The following XKR4 variants were observed in gnomAD, a reference collection of about 807,000 sequenced individuals.
The protein encoded by XKR4 is XK related 4.
A neutral mutation model predicts 53.9 loss-of-function variants in XKR4; 12 were observed. That is an observed-to-expected ratio of 0.22 (90% CI 0.14 to 0.36). XKR4 has a LOEUF of 0.36. Among genes scored for constraint, XKR4 ranks in the 10% least tolerant of loss-of-function variants. XKR4 has a pLI of 1.00. For synonymous variants in XKR4, 354 were observed against 362.4 expected, an observed-to-expected ratio of 0.98 and a Z score of 0.26; for missense variants, 799 against 859.5, an observed-to-expected ratio of 0.93 and a Z score of 0.88.
chr8:55,354,781 T>A (rs184568246), intron 1 of XKR4, among the ~76,000 whole-genome samples: 1 of 149,654 alleles, frequency 6.7e-6, no homozygotes, highest in Non-Finnish European at 1.5e-5. Flanking sequence ...TGAAAGAAAA[T>A]TTTAAAATTG....
intron 1 of XKR4, among the ~76,000 whole-genome samples, chr8:55,182,451 T>A (rs180977497): frequency 6.6e-6 from 1 of 152,294 alleles, no homozygotes; most frequent in Non-Finnish European, 1.5e-5. Flanking sequence ...TTAGATTTAG[T>A]CTATAATCTT....
At chr8:55,193,190 T>A (rs189085143) in intron 1 of XKR4, among the ~76,000 whole-genome samples, 1 of 152,314 alleles carries the variant, frequency 6.6e-6, no homozygotes, top group Admixed American at 6.5e-5. Context: ...CTGAGAAGAA[T>A]GATTTGCTTT....
intron 1 of XKR4, among the ~76,000 whole-genome samples, chr8:55,113,864 T>C (rs1816269291): frequency 6.6e-6 from 1 of 152,194 alleles, no homozygotes; most frequent in Non-Finnish European, 1.5e-5. Context: ...CTTAGGATAA[T>C]GACCTCCAGT....
chr8:55,198,762 A>C (rs4737264), intron 1 of XKR4, among the ~76,000 whole-genome samples: 29,563 of 152,152 alleles, frequency 0.19, 3,011 homozygotes, highest in Non-Finnish European at 0.22. Flanking sequence ...ATAGCTGTAT[A>C]ATATACAACC....
intron 1 of XKR4, among the ~76,000 whole-genome samples, chr8:55,257,857 C>T (rs1362794287): frequency 6.6e-6 from 1 of 152,152 alleles, no homozygotes; most frequent in Non-Finnish European, 1.5e-5. Flanking sequence ...TATCTCAGGT[C>T]ATATTTGTTT....
rs529742894 is a variant in XKR4 at position 55,463,026 on chromosome 8, C to G, written c.1007-60255C>G. ...CTTACACTCCCACACTATAATAATG[C>G]GAGACTTTAACACCCCACTGTCAAC... On this transcript the variant is annotated intron_variant, in intron 2 of 2. Transcript: ENST00000327381. Among the ~76,000 whole-genome samples the G allele has an allele frequency of 1.9e-4, 29 of 152,104 alleles. 1 individual carries two copies. In the South Asian group the frequency reaches 2.3e-3, roughly 12 times the overall value.
chr8:55,247,072 C>T (rs1046134290), intron 1 of XKR4, among the ~76,000 whole-genome samples: 3 of 152,150 alleles, frequency 2.0e-5, no homozygotes, highest in African/African-American at 7.2e-5. Context: ...GTAAACCATC[C>T]CAAGTATTGT....
At chr8:55,394,571 T>C (rs1480182966) in intron 2 of XKR4, among the ~76,000 whole-genome samples, 1 of 152,242 alleles carries the variant, frequency 6.6e-6, no homozygotes, top group Non-Finnish European at 1.5e-5. Context: ...GGCATCATCT[T>C]ATCAACAGTT....
rs1474315673 is a variant in XKR4, at chr8:55,272,221, C to T, written c.807-85457C>T. On this transcript the variant is annotated intron_variant, in intron 1 of 2. Coordinates refer to ENST00000327381, the MANE Select transcript of XKR4 (RefSeq NM_052898.2). ...CTTCATACAGGCATAGATCAAGCTC[C>T]ATTGCTATCAGAGCAAGAACACAAT... is the stretch of plus-strand genomic sequence containing the variant. Among the ~76,000 whole-genome samples the T allele has an allele frequency of 2.0e-5, 3 of 152,184 alleles. No homozygotes were observed. The East Asian group carries it at 5.8e-4, about 29-fold the overall frequency.
At chr8:55,163,888 TAAAG>T (rs1817024551) in intron 1 of XKR4, among the ~76,000 whole-genome samples, 1 of 152,156 alleles carries the variant, frequency 6.6e-6, no homozygotes, top group African/African-American at 2.4e-5. Context: ...AAATATTATA[TAAAG>T]AATGTTAATT....
At chr8:55,335,702 C>A (rs1668417306) in intron 1 of XKR4, among the ~76,000 whole-genome samples, 1 of 152,034 alleles carries the variant, frequency 6.6e-6, no homozygotes, top group Non-Finnish European at 1.5e-5. Flanking sequence ...AGTGGATAAA[C>A]AAACTTGTAC....
At chr8:55,381,995 G>A (rs1804242310) in intron 2 of XKR4, among the ~76,000 whole-genome samples, 1 of 152,292 alleles carries the variant, frequency 6.6e-6, no homozygotes, top group African/African-American at 2.4e-5. Flanking sequence ...TTGTCTTCCA[G>A]TTATGTTGTG....
chr8:55,345,143 G>T (rs190990292), intron 1 of XKR4, among the ~76,000 whole-genome samples: 1 of 151,910 alleles, frequency 6.6e-6, no homozygotes, highest in Admixed American at 6.6e-5. Flanking sequence ...TTAGCTGGGT[G>T]TGGTGGTGCA....
At chr8:55,426,645 C>A (rs879928163) in intron 2 of XKR4, among the ~76,000 whole-genome samples, 6 of 152,080 alleles carry the variant, frequency 3.9e-5, no homozygotes, top group Admixed American at 3.9e-4. Context: ...AATAAGCAAG[C>A]AAATGATGAC....
At chr8:55,422,272 T>G (rs1804946588) in intron 2 of XKR4, among the ~76,000 whole-genome samples, 1 of 152,206 alleles carries the variant, frequency 6.6e-6, no homozygotes, top group Non-Finnish European at 1.5e-5. Flanking sequence ...AGTACACAGC[T>G]CTTACTTCCA....
At chr8:55,207,652 G>T (rs923198237) in intron 1 of XKR4, among the ~76,000 whole-genome samples, 3 of 40,560 alleles carry the variant, frequency 7.4e-5, no homozygotes. Context: ...ACACACACGC[G>T]CACACACACA....
At chr8:55,463,545 C>T (rs1373409202) in intron 2 of XKR4, among the ~76,000 whole-genome samples, 1 of 151,842 alleles carries the variant, frequency 6.6e-6, no homozygotes, top group African/African-American at 2.4e-5. Context: ...AATTGACACC[C>T]TAACATCACA....
chr8:55,276,190 C>T (rs1038775839), intron 1 of XKR4, among the ~76,000 whole-genome samples: 2 of 152,158 alleles, frequency 1.3e-5, no homozygotes, highest in African/African-American at 2.4e-5. Flanking sequence ...TCCTGGGTCT[C>T]TTAGATTGTA....
chr8:55,139,354 TA>T (rs891549173), intron 1 of XKR4, among the ~76,000 whole-genome samples: 13 of 151,976 alleles, frequency 8.6e-5, no homozygotes, highest in African/African-American at 3.1e-4. Flanking sequence ...GCCAACATGG[TA>T]AAACCCTATC....
Sources: gnomAD v4.1 joint callset for allele counts (sites outside exome capture counted in the v4.1 genomes callset) on GRCh38, gnomAD v4.1.1 for gene constraint, MANE v1.5 for transcripts, NCBI Gene and HGNC (gene_info 2026-07-23, HGNC 2026-07-21) for gene names.